The following PSAT1 variants were observed in gnomAD, a reference collection of about 807,000 sequenced individuals.
PSAT1 encodes the protein phosphoserine aminotransferase.
In PSAT1, 41 loss-of-function variants were observed where a neutral mutation model predicts 40.3. The observed-to-expected ratio is 1.02, with a 90% CI of 0.79 to 1.32. PSAT1 has a LOEUF of 1.32. PSAT1 is among the 40% of genes most tolerant of loss of function. The probability of loss-of-function intolerance (pLI) is 0.00; values close to 1 mark genes in which losing one functional copy is unlikely to be tolerated. For synonymous variants in PSAT1, 147 were observed against 170.5 expected (o/e 0.86, Z 1.07); for missense variants, 406 against 455.8 (o/e 0.89, Z 0.99).
chr9:78,312,372 T>C (rs1288099936), intron 6 of PSAT1, among the ~76,000 whole-genome samples: 2 of 152,084 alleles, frequency 1.3e-5, no homozygotes, highest in Non-Finnish European at 2.9e-5. Flanking sequence ...ACAAAACAAA[T>C]AGACCATTAA....
rs997904439 is a variant in PSAT1 at position 78,304,916 on chromosome 9, C to T, written c.373C>T (p.His125Tyr). 3 of 1,612,632 alleles carry T rather than the reference C, an allele frequency of 1.9e-6. No individual in the cohort carries two copies. The highest frequency in any genetic ancestry group is 3.3e-5 in the Admixed American group (2 of 60,000). ...GAAGTTTGGGACTATAAATATCGTT[C>T]ACCCTAAACTTGGGAGTTATACAAG... ...AKKFGTINIVHPKLGSYTKIP... is the reference protein window; with the variant it reads ...AKKFGTINIVYPKLGSYTKIP... The change falls in exon 4 of 9, where the codon CAC (histidine) becomes TAC (tyrosine). Residue 125 changes from histidine (H) to tyrosine (Y), a missense_variant. By Grantham distance (83) the His-to-Tyr change is moderately conservative. Transcript: ENST00000376588.
intron 7 of PSAT1, among the ~76,000 whole-genome samples, chr9:78,325,208 C>T (rs1426879769): frequency 6.6e-6 from 1 of 152,114 alleles, no homozygotes; most frequent in African/African-American, 2.4e-5. Context: ...TGATTTTGGT[C>T]ATCAAGACTA....
At chr9:78,299,515 T>TTTTC (rs386415211) in intron 1 of PSAT1, among the ~76,000 whole-genome samples, 1 of 10,974 alleles carries the variant, frequency 9.1e-5, no homozygotes, top group Admixed American at 1.1e-3. Context: ...AATCTAATTC[T>TTTTC]TTTTTTTTTT....
intron 7 of PSAT1, among the ~76,000 whole-genome samples, chr9:78,327,105 GC>G (rs1267931465): frequency 6.6e-6 from 1 of 150,458 alleles, no homozygotes; most frequent in Non-Finnish European, 1.5e-5. Flanking sequence ...ACAGGTGTGT[GC>G]CAGCACGCCC....
At chr9:78,326,141 C>T (rs905243527) in intron 7 of PSAT1, among the ~76,000 whole-genome samples, 1 of 152,092 alleles carries the variant, frequency 6.6e-6, no homozygotes, top group Non-Finnish European at 1.5e-5. Context: ...CTCTCTTTTG[C>T]TTGAAGCTGT....
chr9:78,304,270 A>G (rs770181495), intron 3 of PSAT1, among the ~76,000 whole-genome samples: 8 of 152,184 alleles, frequency 5.3e-5, no homozygotes, highest in Non-Finnish European at 1.5e-5. Flanking sequence ...TTGGGTGGCC[A>G]CCATTGGTTG....
At chr9:78,305,858 G>T (rs1429375338) in intron 4 of PSAT1, among the ~76,000 whole-genome samples, 1 of 152,206 alleles carries the variant, frequency 6.6e-6, no homozygotes, top group Non-Finnish European at 1.5e-5. Flanking sequence ...TAAAAACTCA[G>T]ATATCTCCCA....
chr9:78,305,991 G>A lies in PSAT1; in HGVS notation c.398-323G>A, dbSNP rs192168387. On this transcript the variant is annotated intron_variant, in intron 4 of 8. Coordinates refer to ENST00000376588, the MANE Select transcript of PSAT1 (RefSeq NM_058179.4). ...TAGCACACTGTAGCCTCCAGCTCCTGGGCTCAAGTGATCCTCCCACCTTAG... is the reference window on the plus strand; with the variant it reads ...TAGCACACTGTAGCCTCCAGCTCCTAGGCTCAAGTGATCCTCCCACCTTAG... Among the ~76,000 whole-genome samples the A allele has an allele frequency of 3.4e-3, 511 of 152,254 alleles. 3 individuals carry two copies. The highest frequency in any genetic ancestry group is 0.011 in the African/African-American group (452 of 41,532).
intron 6 of PSAT1, among the ~76,000 whole-genome samples, chr9:78,315,463 T>C (rs1564016953): frequency 6.6e-6 from 1 of 152,216 alleles, no homozygotes; most frequent in African/African-American, 2.4e-5. Context: ...TTACTTTCTC[T>C]CTTCTGTCTC....
chr9:78,301,822 G>A, intron 2 of PSAT1, 132 bp from the exon 3 acceptor site: 1 of 741,984 alleles, frequency 1.3e-6, no homozygotes, highest in Non-Finnish European at 2.4e-6. Flanking sequence ...AGTGAGCCTT[G>A]GCCCACAATT....
chr9:78,328,653 T>C (rs544434943), intron 8 of PSAT1, among the ~76,000 whole-genome samples: 1 of 152,310 alleles, frequency 6.6e-6, no homozygotes, highest in African/African-American at 2.4e-5. Flanking sequence ...GCTGGCACTG[T>C]CACGACAGGC....
intron 3 of PSAT1, among the ~76,000 whole-genome samples, chr9:78,303,319 T>C (rs1329297162): frequency 6.6e-6 from 1 of 152,222 alleles, no homozygotes; most frequent in African/African-American, 2.4e-5. Flanking sequence ...TCTGCTTGGC[T>C]TCTCTCGTCC....
At position 78,300,612 on chromosome 9, in the gene PSAT1, A is replaced by C; in HGVS notation, c.71A>C (p.Glu24Ala). Reference sequence around the variant, plus strand: ...TTTATTTTTTTCTAGGTGTTGTTAGAGATACAAAAGGAATTATTAGACTAC... The same window carrying C: ...TTTATTTTTTTCTAGGTGTTGTTAGCGATACAAAAGGAATTATTAGACTAC... ...PAKLPHSVLL[E>A]IQKELLDYKG... is the part of the protein sequence containing the mutation. Residue 24 changes from glutamate to alanine, a missense_variant, in exon 2 of 9, where the codon GAG becomes GCG. By Grantham distance (107) the Glu-to-Ala change is moderately radical (BLOSUM62 -1). Transcript: ENST00000376588. 1 of 1,608,192 alleles carries C rather than the reference A, an allele frequency of 6.2e-7. No homozygotes were observed. Among genetic ancestry groups the C allele is most frequent in the Non-Finnish European group, 8.5e-7 (1 of 1,177,508 alleles).
At chr9:78,312,711 T>C (rs935597733) in intron 6 of PSAT1, among the ~76,000 whole-genome samples, 2 of 151,800 alleles carry the variant, frequency 1.3e-5, no homozygotes, top group African/African-American at 2.4e-5. Flanking sequence ...ATAATAATAA[T>C]AATAAATAAA....
chr9:78,321,286 C>T (rs1828426254), intron 7 of PSAT1, among the ~76,000 whole-genome samples: 1 of 152,164 alleles, frequency 6.6e-6, no homozygotes, highest in African/African-American at 2.4e-5. Context: ...ACTTGGTGTT[C>T]TGTGGGACCT....
At chr9:78,301,341 C>T (rs1397462096) in intron 2 of PSAT1, among the ~76,000 whole-genome samples, 1 of 152,086 alleles carries the variant, frequency 6.6e-6, no homozygotes, top group Non-Finnish European at 1.5e-5. Context: ...TACTTAAATA[C>T]AACCTCATTA....
At chr9:78,308,310 C>T in intron 5 of PSAT1, 104 bp from the exon 6 acceptor site, 2 of 1,310,572 alleles carry the variant, frequency 1.5e-6, no homozygotes, top group Non-Finnish European at 1.1e-6. Context: ...AGGATAGAGT[C>T]ATTTCCTTAA....
At chr9:78,297,324 C>A in intron 1 of PSAT1, 54 bp downstream of exon 1, 1 of 1,551,480 alleles carries the variant, frequency 6.4e-7, no homozygotes. Flanking sequence ...AGCACGCACG[C>A]GGGTGGGTTT....
chr9:78,326,150 G>A (rs887122310), intron 7 of PSAT1, among the ~76,000 whole-genome samples: 13 of 152,064 alleles, frequency 8.5e-5, no homozygotes, highest in African/African-American at 3.1e-4. Context: ...GCTTGAAGCT[G>A]TGTACTAGAC....
Sources: allele counts gnomAD v4.1 joint callset (sites outside exome capture counted in the v4.1 genomes callset), GRCh38; gene constraint gnomAD v4.1.1; transcripts MANE v1.5; gene names NCBI Gene and HGNC (gene_info 2026-07-23, HGNC 2026-07-21).